Variants in MAN1C1 observed in about 807,000 individuals in gnomAD.
MAN1C1 encodes the protein mannosidase alpha class 1C member 1.
Under a neutral mutation model 71.5 loss-of-function variants are expected in MAN1C1, and 49 were observed. The observed-to-expected ratio is 0.69, with a 90% confidence interval of 0.54 to 0.87. The LOEUF (loss-of-function observed/expected upper bound fraction) is 0.87, where lower values mean the gene tolerates loss of function less well. MAN1C1 is among the 40% of genes least tolerant of loss of function. The pLI is 0.00. For synonymous variants in MAN1C1, 352 were observed against 343.7 expected, an observed-to-expected ratio of 1.02 and a Z score of -0.27; for missense variants, 743 against 835.0, an observed-to-expected ratio of 0.89 and a Z score of 1.36.
intron 2 of MAN1C1, among the ~76,000 whole-genome samples, chr1:25,718,309 A>T (rs2046711501): frequency 6.6e-6 from 1 of 152,118 alleles, no homozygotes; most frequent in African/African-American, 2.4e-5. Context: ...CGTCAGCTTC[A>T]TCCTCTTGAA....
rs975346600 is a variant in MAN1C1 at position 25,779,600 on chromosome 1, C to T, written c.1477+1276C>T. The stretch of plus-strand genomic sequence containing the variant: ...ATCAGCCCAGACCATAAAAGACAGC[C>T]GCTTAATAAAGCATATTGTTCTAGC... On this transcript the variant is annotated intron_variant, in intron 9 of 11. Transcript: ENST00000374332. The surrounding 1 kb of genome is among the most constrained non-coding windows in gnomAD (Gnocchi z 4.6). Among the ~76,000 whole-genome samples the T allele has an allele frequency of 3.3e-5, 5 of 152,316 alleles. No homozygotes were observed. The highest frequency in any genetic ancestry group is 7.2e-5 in the African/African-American group (3 of 41,574).
chr1:25,713,835 C>G (rs551657075), intron 2 of MAN1C1, among the ~76,000 whole-genome samples: 1 of 152,260 alleles, frequency 6.6e-6, no homozygotes, highest in African/African-American at 2.4e-5. Context: ...TTCGCTGGGC[C>G]CAGTGTCTGC....
At chr1:25,649,509 T>C (rs1054404916) in intron 1 of MAN1C1, among the ~76,000 whole-genome samples, 1 of 152,222 alleles carries the variant, frequency 6.6e-6, no homozygotes, top group Admixed American at 6.5e-5. Flanking sequence ...ACTGAGCCTT[T>C]CTGTGGGCAA....
At chr1:25,699,664 C>T (rs1268823530) in intron 2 of MAN1C1, among the ~76,000 whole-genome samples, 1 of 152,198 alleles carries the variant, frequency 6.6e-6, no homozygotes, top group Non-Finnish European at 1.5e-5. Flanking sequence ...TGAGTTACTT[C>T]TAGGTCCTAA....
Position 25,617,236 on chromosome 1 carries a change from T to C in MAN1C1, c.-562T>C, listed in dbSNP as rs2045112619. On this transcript the variant is annotated 5_prime_UTR_variant, in exon 1 of 12. Transcript: ENST00000374332. This position sits in a 1 kb window ranked among gnomAD's most constrained non-coding sequence, Gnocchi z 5.1. Reference sequence around the variant, plus strand: ...TCCCGATAGTCGAGCCCGGGCGCTGTCGCGACCGGGCCGGGTGTGCGCGCG... The same window carrying C: ...TCCCGATAGTCGAGCCCGGGCGCTGCCGCGACCGGGCCGGGTGTGCGCGCG... Among the ~76,000 whole-genome samples the C allele has an allele frequency of 6.6e-6, 1 of 150,556 alleles. No individual in the cohort carries two copies. Among genetic ancestry groups the C allele is most frequent in the African/African-American group, 2.4e-5 (1 of 41,016 alleles).
intron 2 of MAN1C1, among the ~76,000 whole-genome samples, chr1:25,693,734 A>G (rs182656139): frequency 1.3e-5 from 2 of 152,344 alleles, no homozygotes; most frequent in Admixed American, 6.5e-5. Context: ...TGTCAGTGTG[A>G]TGGACAGAGA....
At chr1:25,683,855 C>T (rs757780825) in intron 1 of MAN1C1, among the ~76,000 whole-genome samples, 7 of 152,154 alleles carry the variant, frequency 4.6e-5, no homozygotes, top group Admixed American at 2.6e-4. Context: ...TCGGGAGGCA[C>T]GTGTGCATTG....
chr1:25,684,807 C>T (rs935786069), intron 1 of MAN1C1, among the ~76,000 whole-genome samples: 4 of 152,206 alleles, frequency 2.6e-5, no homozygotes, highest in African/African-American at 4.8e-5. Context: ...GGAAAGCCAG[C>T]GGACGCAGGA....
At chr1:25,694,482 A>G (rs900620094) in intron 2 of MAN1C1, among the ~76,000 whole-genome samples, 2 of 152,226 alleles carry the variant, frequency 1.3e-5, no homozygotes, top group African/African-American at 2.4e-5. Context: ...TGAACACAGC[A>G]TGATTTTCAG....
intron 2 of MAN1C1, among the ~76,000 whole-genome samples, chr1:25,722,068 G>A (rs540405279): frequency 6.6e-6 from 1 of 152,202 alleles, no homozygotes; most frequent in Non-Finnish European, 1.5e-5. Context: ...AGAATTATAA[G>A]ATGGAAGTCA....
At chr1:25,710,954 G>A (rs2124247838) in intron 2 of MAN1C1, among the ~76,000 whole-genome samples, 1 of 152,304 alleles carries the variant, frequency 6.6e-6, no homozygotes, top group African/African-American at 2.4e-5. Context: ...TTGGAAGGCT[G>A]AACTCATTGT....
chr1:25,617,958 T>C lies in MAN1C1; in HGVS notation c.161T>C (p.Leu54Pro), dbSNP rs370584070. ...TCCTCTCGCCTCAAGCGCCTCTTCC[T>C]GGCCCCCCGGACCCAGCAGCCTGGT... ...PHSSRLKRLF[L>P]APRTQQPGLE... Residue 54 changes from leucine to proline, a missense_variant, in exon 1 of 12, where the codon CTG becomes CCG. Physicochemically the swap from Leu to Pro is moderately conservative, Grantham distance 98. Coordinates refer to ENST00000374332, the MANE Select transcript of MAN1C1 (RefSeq NM_020379.4). This position sits in a 1 kb window ranked among gnomAD's most constrained non-coding sequence, Gnocchi z 5.1. 6.2e-7 allele frequency: 1 copy of C among 1,608,746 alleles called. No homozygotes were observed.
At chr1:25,765,086 C>G (rs2047410803) in intron 7 of MAN1C1, among the ~76,000 whole-genome samples, 1 of 152,146 alleles carries the variant, frequency 6.6e-6, no homozygotes, top group Non-Finnish European at 1.5e-5. Flanking sequence ...ATCTATACAT[C>G]TTAGACCTAC....
Position 25,749,425 on chromosome 1 carries a change from A to C in MAN1C1, c.834+90A>C, listed in dbSNP as rs2047182551. The C allele has an allele frequency of 1.4e-5, 17 of 1,173,744 alleles. No individual in the cohort carries two copies. The South Asian group carries it at 2.6e-4, about 18-fold the overall frequency. The allele number at this position is 1,173,744 out of a possible 1,614,324, so 72.7% of individuals were successfully genotyped here. On this transcript the variant is annotated intron_variant, in intron 4 of 11. Coordinates refer to ENST00000374332, the MANE Select transcript of MAN1C1 (RefSeq NM_020379.4). ...CCTTCCCCCTCATGCCATCCATGGG[A>C]AAAGGGACTTAAGGGGGCAGGGATG...
At position 25,779,362 on chromosome 1, in the gene MAN1C1, C is replaced by G. The variant is rs1358273256; in HGVS notation, c.1477+1038C>G. On this transcript the variant is annotated intron_variant, in intron 9 of 11. Coordinates refer to ENST00000374332, the MANE Select transcript of MAN1C1 (RefSeq NM_020379.4). This position sits in a 1 kb window ranked among gnomAD's most constrained non-coding sequence, Gnocchi z 4.6. ...TACCTTGGCAGCCACCTTTGGCCAG[C>G]AGCACTGCAGGCACTTGCTGACCGC... Among the ~76,000 whole-genome samples, 1 of 152,180 alleles carries G rather than the reference C, an allele frequency of 6.6e-6. No homozygotes were observed. The highest frequency in any genetic ancestry group is 1.5e-5 in the Non-Finnish European group (1 of 68,042).
intron 1 of MAN1C1, 78 bp from the exon 2 acceptor site, chr1:25,686,362 G>A (rs2046230596): frequency 2.5e-6 from 3 of 1,213,656 alleles, no homozygotes; most frequent in African/African-American, 3.0e-5. Context: ...CACGTTGCAA[G>A]GGGCAAAGCC....
rs115415800 is a variant in MAN1C1 at position 25,728,363 on chromosome 1, T to C, written c.638-18305T>C. On this transcript the variant is annotated intron_variant, in intron 2 of 11. Coordinates refer to ENST00000374332, the MANE Select transcript of MAN1C1 (RefSeq NM_020379.4). ...TGGTTCCTCGCTGCTTGCAAAGCAC[T>C]CACACTTGTCATCGTATTAGGCACT... Among the ~76,000 whole-genome samples the C allele has an allele frequency of 4.3e-3, 649 of 152,242 alleles. 2 individuals are homozygous for C. Among genetic ancestry groups the C allele is most frequent in the African/African-American group, 0.015 (603 of 41,530 alleles).
At chr1:25,635,089 C>T (rs1034082383) in intron 1 of MAN1C1, among the ~76,000 whole-genome samples, 3 of 152,110 alleles carry the variant, frequency 2.0e-5, no homozygotes, top group Non-Finnish European at 2.9e-5. Context: ...TGGCCTCGAA[C>T]TCCTGGGGTC....
intron 1 of MAN1C1, among the ~76,000 whole-genome samples, chr1:25,672,648 C>G (rs556680350): frequency 1.3e-5 from 2 of 152,328 alleles, no homozygotes; most frequent in East Asian, 3.9e-4. Flanking sequence ...TCAGGCTAAT[C>G]TCCCTCTCCC....
Sources: allele counts gnomAD v4.1 joint callset (sites outside exome capture counted in the v4.1 genomes callset), GRCh38; gene constraint gnomAD v4.1.1; non-coding constraint Gnocchi (gnomAD v3.1); transcripts MANE v1.5; gene names NCBI Gene and HGNC (gene_info 2026-07-23, HGNC 2026-07-21).